Variants in CDH18 observed in about 807,000 individuals in gnomAD.
CDH18 encodes the protein cadherin-18.
A neutral mutation model predicts 67.9 loss-of-function variants in CDH18; 31 were observed. The observed-to-expected ratio is 0.46, with a 90% CI of 0.34 to 0.62. The LOEUF (loss-of-function observed/expected upper bound fraction) is 0.62, where lower values mean the gene tolerates loss of function less well. CDH18 is among the 20% of genes least tolerant of loss of function. The pLI, the probability that CDH18 is intolerant of heterozygous loss-of-function variation, is 0.01. For synonymous variants in CDH18, 362 were observed against 347.2 expected (o/e 1.04, Z -0.48); for missense variants, 890 against 975.5 (o/e 0.91, Z 1.17).
At chr5:19,928,788 T>C (rs1793368026) in intron 2 of CDH18, among the ~76,000 whole-genome samples, 1 of 152,040 alleles carries the variant, frequency 6.6e-6, no homozygotes, top group African/African-American at 2.4e-5. Flanking sequence ...AATAAATGCA[T>C]TGGCTGCACA....
chr5:20,123,552 G>A (rs1451031309), intron 2 of CDH18, among the ~76,000 whole-genome samples: 4 of 152,130 alleles, frequency 2.6e-5, no homozygotes, highest in Non-Finnish European at 5.9e-5. Context: ...ACGCAAGTTA[G>A]TGTGCTACTG....
intron 1 of CDH18, among the ~76,000 whole-genome samples, chr5:20,457,125 C>T (rs1240600877): frequency 6.6e-6 from 1 of 152,062 alleles, no homozygotes; most frequent in East Asian, 1.9e-4. Flanking sequence ...TGACATTTGC[C>T]TATAAAGTTG....
intron 7 of CDH18, among the ~76,000 whole-genome samples, chr5:19,588,713 A>T (rs1277835491): frequency 1.3e-5 from 2 of 152,128 alleles, no homozygotes; most frequent in Non-Finnish European, 2.9e-5. Flanking sequence ...AAATTTACCA[A>T]GCAAATGGAA....
At chr5:20,100,913 T>C (rs1332494415) in intron 2 of CDH18, among the ~76,000 whole-genome samples, 2 of 152,208 alleles carry the variant, frequency 1.3e-5, no homozygotes, top group Admixed American at 6.5e-5. Flanking sequence ...AATACATGTA[T>C]ATTTTAATCA....
intron 1 of CDH18, among the ~76,000 whole-genome samples, chr5:20,480,885 T>C (rs1752758822): frequency 6.6e-6 from 1 of 152,044 alleles, no homozygotes; most frequent in Admixed American, 6.6e-5. Flanking sequence ...AGTGAGAAAT[T>C]GAAACATACC....
At chr5:20,214,979 C>T (rs1156659555) in intron 2 of CDH18, among the ~76,000 whole-genome samples, 2 of 151,900 alleles carry the variant, frequency 1.3e-5, no homozygotes, top group Non-Finnish European at 1.5e-5. Context: ...CCATAAGGAA[C>T]TTTAACAGAT....
At chr5:20,531,576 A>T (rs1756400357) in intron 1 of CDH18, among the ~76,000 whole-genome samples, 1 of 152,102 alleles carries the variant, frequency 6.6e-6, no homozygotes, top group Admixed American at 6.6e-5. Flanking sequence ...GAATGAGATT[A>T]TGTCCTTTTC....
At chr5:19,917,086 A>C (rs1791883845) in intron 2 of CDH18, among the ~76,000 whole-genome samples, 1 of 152,206 alleles carries the variant, frequency 6.6e-6, no homozygotes, top group African/African-American at 2.4e-5. Context: ...TCTAAATATT[A>C]ACTTCATTTT....
At chr5:20,347,987 T>G (rs1465711971) in intron 1 of CDH18, among the ~76,000 whole-genome samples, 1 of 152,182 alleles carries the variant, frequency 6.6e-6, no homozygotes, top group Non-Finnish European at 1.5e-5. Context: ...TGTCTGCATG[T>G]CTCATTCTTC....
intron 1 of CDH18, among the ~76,000 whole-genome samples, chr5:20,348,941 T>C (rs1010434092): frequency 2.6e-5 from 4 of 152,192 alleles, no homozygotes; most frequent in Non-Finnish European, 4.4e-5. Flanking sequence ...TACTTTTCCT[T>C]AAATAAGTAT....
At chr5:20,074,161 T>A (rs950288338) in intron 2 of CDH18, among the ~76,000 whole-genome samples, 3 of 152,104 alleles carry the variant, frequency 2.0e-5, no homozygotes, top group Admixed American at 1.3e-4. Flanking sequence ...TAAAGTATAA[T>A]AATGATAATA....
intron 5 of CDH18, among the ~76,000 whole-genome samples, chr5:19,701,685 A>G (rs1029094564): frequency 6.6e-6 from 1 of 152,022 alleles, no homozygotes; most frequent in African/African-American, 2.4e-5. Flanking sequence ...CTTAGAGATA[A>G]AATTGATTTA....
At chr5:19,961,057 C>T (rs557828044) in intron 2 of CDH18, among the ~76,000 whole-genome samples, 78 of 150,364 alleles carry the variant, frequency 5.2e-4, no homozygotes, top group Non-Finnish European at 1.0e-3. Flanking sequence ...GTTACAATGG[C>T]TATGATGTTA....
intron 5 of CDH18, among the ~76,000 whole-genome samples, chr5:19,616,387 A>T (rs554846592): frequency 2.6e-5 from 4 of 152,004 alleles, no homozygotes; most frequent in Admixed American, 6.6e-5. Flanking sequence ...CGTTTTAATT[A>T]AAAAAATTGG....
chr5:19,695,609 C>A (rs190567654), intron 5 of CDH18, among the ~76,000 whole-genome samples: 1 of 152,208 alleles, frequency 6.6e-6, no homozygotes, highest in Non-Finnish European at 1.5e-5. Flanking sequence ...TGACACACAA[C>A]CCTTGTCCTT....
intron 7 of CDH18, among the ~76,000 whole-genome samples, chr5:19,573,274 G>A (rs1230250661): frequency 6.6e-6 from 1 of 151,682 alleles, no homozygotes; most frequent in African/African-American, 2.4e-5. Context: ...TGTTTGAGGA[G>A]TTGCATACTC....
intron 3 of CDH18, among the ~76,000 whole-genome samples, chr5:19,760,524 A>G (rs1772190805): frequency 6.6e-6 from 1 of 152,184 alleles, no homozygotes; most frequent in African/African-American, 2.4e-5. Flanking sequence ...CAATGCCCAG[A>G]GTTGAACATT....
chr5:20,346,239 G>A (rs1281726584), intron 1 of CDH18, among the ~76,000 whole-genome samples: 1 of 152,124 alleles, frequency 6.6e-6, no homozygotes, highest in African/African-American at 2.4e-5. Context: ...ATGGAGCAGA[G>A]AGTCTTATTA....
intron 2 of CDH18, among the ~76,000 whole-genome samples, chr5:20,008,203 A>G (rs1374830925): frequency 6.6e-6 from 1 of 152,116 alleles, no homozygotes; most frequent in African/African-American, 2.4e-5. Context: ...TGGGAATTAT[A>G]TAATATGAAT....
Sources: gnomAD v4.1 joint callset for allele counts (sites outside exome capture counted in the v4.1 genomes callset) on GRCh38, gnomAD v4.1.1 for gene constraint, MANE v1.5 for transcripts, NCBI Gene and HGNC (gene_info 2026-07-23, HGNC 2026-07-21) for gene names.